The following KIZ variants were observed in gnomAD, a reference collection of about 807,000 sequenced individuals.
KIZ encodes the protein kizuna centrosomal protein, also known as centrosomal protein kizuna.
Under a neutral mutation model 79.6 loss-of-function variants are expected in KIZ, and 68 were observed. That is an observed-to-expected ratio of 0.85 (90% CI 0.70 to 1.05). The LOEUF (loss-of-function observed/expected upper bound fraction) is 1.05. KIZ is among the 50% of genes least tolerant of loss of function. The pLI, the probability that KIZ is intolerant of heterozygous loss-of-function variation, is 0.00. For synonymous variants in KIZ, 280 were observed against 281.8 expected (o/e 0.99, Z 0.06); for missense variants, 797 against 800.4 (o/e 1.00, Z 0.05).
intron 6 of KIZ, among the ~76,000 whole-genome samples, chr20:21,167,778 C>G (rs1245722674): frequency 3.3e-5 from 5 of 152,008 alleles, no homozygotes; most frequent in Non-Finnish European, 7.4e-5. Context: ...CCAGGCTGTT[C>G]TCAAACTCCT....
At chr20:21,167,815 A>G (rs990793485) in intron 6 of KIZ, among the ~76,000 whole-genome samples, 1 of 152,110 alleles carries the variant, frequency 6.6e-6, no homozygotes, top group Non-Finnish European at 1.5e-5. Context: ...CCTGCCTTCA[A>G]AGTGCTGGGA....
chr20:21,238,760 C>T (rs950286353), intron 11 of KIZ, among the ~76,000 whole-genome samples: 15 of 152,196 alleles, frequency 9.9e-5, no homozygotes, highest in African/African-American at 2.9e-4. Flanking sequence ...GGGCATCGAG[C>T]GAGTCTGTCT....
chr20:21,165,036 C>A (rs1314470266), intron 6 of KIZ, among the ~76,000 whole-genome samples: 3 of 152,174 alleles, frequency 2.0e-5, no homozygotes, highest in Admixed American at 6.5e-5. Context: ...AACTGGCGCT[C>A]TTCTCCTTTG....
Position 21,246,621 on chromosome 20 carries a change from A to C in KIZ, c.*45A>C. On this transcript the variant is annotated 3_prime_UTR_variant, in exon 13 of 13. Transcript: ENST00000619189. The stretch of plus-strand genomic sequence containing the variant: ...CAAATAAAGTCTTTAAACAAACTAA[A>C]ATCCTGTGTTAATATGTGATGTCCA... The C allele has an allele frequency of 8.9e-7, 1 of 1,129,862 alleles. No individual in the cohort carries two copies. The allele number at this position is 1,129,862 out of a possible 1,614,324, so 70.0% of individuals were successfully genotyped here.
chr20:21,177,561 T>C (rs1054956194), intron 6 of KIZ, among the ~76,000 whole-genome samples: 2 of 152,180 alleles, frequency 1.3e-5, no homozygotes, highest in Non-Finnish European at 2.9e-5. Context: ...TTTCCTTTGC[T>C]ATGCAGAAAC....
chr20:21,242,316 G>T (rs1308071268), intron 11 of KIZ, among the ~76,000 whole-genome samples: 1 of 152,194 alleles, frequency 6.6e-6, no homozygotes, highest in African/African-American at 2.4e-5. Flanking sequence ...AGGTCTTTGT[G>T]CAGAAATCAA....
intron 3 of KIZ, among the ~76,000 whole-genome samples, chr20:21,142,442 G>A (rs2032606074): frequency 6.6e-6 from 1 of 151,890 alleles, no homozygotes; most frequent in Non-Finnish European, 1.5e-5. Flanking sequence ...CATATTTTTT[G>A]TCTCATTCTG....
At chr20:21,154,555 T>TAAA (rs1369977248) in intron 4 of KIZ, among the ~76,000 whole-genome samples, 8 of 152,226 alleles carry the variant, frequency 5.3e-5, no homozygotes, top group Middle Eastern at 3.2e-3. Flanking sequence ...AATCTTGGAT[T>TAAA]ATAGATTTAT....
chr20:21,233,572 A>T (rs575569594), intron 11 of KIZ, among the ~76,000 whole-genome samples: 1 of 152,336 alleles, frequency 6.6e-6, no homozygotes, highest in Admixed American at 6.5e-5. Context: ...TTGGAACAGC[A>T]TTGCTCAGTA....
At chr20:21,165,903 A>G (rs906531868) in intron 6 of KIZ, among the ~76,000 whole-genome samples, 1 of 152,182 alleles carries the variant, frequency 6.6e-6, no homozygotes, top group African/African-American at 2.4e-5. Context: ...GGTTCAAGCT[A>G]TTCTGCCTCA....
chr20:21,201,110 T>C (rs2035580761), intron 6 of KIZ, among the ~76,000 whole-genome samples: 1 of 152,120 alleles, frequency 6.6e-6, no homozygotes, highest in South Asian at 2.1e-4. Flanking sequence ...GTTCAGGATG[T>C]TAAGGCTGCA....
At chr20:21,139,734 A>G (rs1273070731) in intron 3 of KIZ, among the ~76,000 whole-genome samples, 1 of 152,194 alleles carries the variant, frequency 6.6e-6, no homozygotes, top group Non-Finnish European at 1.5e-5. Context: ...GTTATTAAAA[A>G]AACCTTGTAT....
Position 21,136,434 on chromosome 20 carries a change from T to TA in KIZ, c.198dup (p.Cys67MetfsTer2), listed in dbSNP as rs2032191781. 5 of 1,565,706 alleles carry TA rather than the reference T, an allele frequency of 3.2e-6. No individual in the cohort carries two copies. The highest frequency in any genetic ancestry group is 3.5e-6 in the Non-Finnish European group (4 of 1,147,798). On this transcript the variant is annotated frameshift_variant, in exon 3 of 13. Coordinates refer to ENST00000619189, the MANE Select transcript of KIZ (RefSeq NM_018474.6). LOFTEE classifies it high-confidence loss of function. ...AAACTAAAGAATTATCTGAAGGAAA[T>TA]ATGTGAATCTGAAAAGAAGGCTCAT... is the stretch of plus-strand genomic sequence containing the variant.
chr20:21,239,193 AG>A (rs1411176670), intron 11 of KIZ, among the ~76,000 whole-genome samples: 1 of 152,226 alleles, frequency 6.6e-6, no homozygotes, highest in East Asian at 1.9e-4. Flanking sequence ...TTGGAGAGGT[AG>A]GGAACTTGCC....
intron 6 of KIZ, among the ~76,000 whole-genome samples, chr20:21,170,064 A>T (rs573465082): frequency 6.6e-6 from 1 of 152,066 alleles, no homozygotes; most frequent in Non-Finnish European, 1.5e-5. Flanking sequence ...CATGTTTTCA[A>T]CTTATTTGGG....
intron 4 of KIZ, among the ~76,000 whole-genome samples, chr20:21,158,991 T>C (rs1411780346): frequency 3.1e-5 from 1 of 31,850 alleles, no homozygotes; most frequent in African/African-American, 5.3e-5. Flanking sequence ...TATATTTATT[T>C]ATTTATTTAT....
chr20:21,219,432 C>T (rs2036427671), intron 9 of KIZ, among the ~76,000 whole-genome samples: 1 of 152,092 alleles, frequency 6.6e-6, no homozygotes, highest in Non-Finnish European at 1.5e-5. Context: ...ATCTTCCTTC[C>T]TCAGCCTCCC....
At chr20:21,223,413 G>A (rs149080651) in intron 9 of KIZ, among the ~76,000 whole-genome samples, 6 of 152,238 alleles carry the variant, frequency 3.9e-5, no homozygotes, top group Non-Finnish European at 5.9e-5. Flanking sequence ...TGAATTAGGC[G>A]GGTCTCTTCT....
intron 4 of KIZ, among the ~76,000 whole-genome samples, chr20:21,149,882 A>G (rs1018995010): frequency 6.6e-6 from 1 of 152,218 alleles, no homozygotes; most frequent in African/African-American, 2.4e-5. Context: ...ATCCCCTGGG[A>G]AGGACCCTAA....
Sources: allele counts gnomAD v4.1 joint callset (sites outside exome capture counted in the v4.1 genomes callset), GRCh38; gene constraint gnomAD v4.1.1; transcripts MANE v1.5; gene names NCBI Gene and HGNC (gene_info 2026-07-23, HGNC 2026-07-21).